The following TSHZ3 variants were observed in gnomAD, a reference collection of about 807,000 sequenced individuals.
TSHZ3 encodes the protein teashirt homolog 3.
Under a neutral mutation model 64.5 loss-of-function variants are expected in TSHZ3, and 10 were observed. That is an observed-to-expected ratio of 0.16 (90% CI 0.10 to 0.26). The LOEUF is 0.26. TSHZ3 is among the 10% of genes least tolerant of loss of function. TSHZ3 has a pLI of 1.00. For missense variants in TSHZ3, 1,242 were observed against 1,421.7 expected, an observed-to-expected ratio of 0.87 and a Z score of 2.03; for synonymous variants, 608 against 593.1, an observed-to-expected ratio of 1.03 and a Z score of -0.36.
chr19:31,166,516 G>A (rs914630164), intron 5 of TSHZ3, among the ~76,000 whole-genome samples: 4 of 152,200 alleles, frequency 2.6e-5, no homozygotes, highest in Non-Finnish European at 5.9e-5. Context: ...CAAGAAGGGA[G>A]AGGATGGAGA....
At chr19:31,291,196 C>A (rs1438034223) in intron 1 of TSHZ3, among the ~76,000 whole-genome samples, 2 of 152,200 alleles carry the variant, frequency 1.3e-5, no homozygotes, top group Non-Finnish European at 2.9e-5. Flanking sequence ...CCAGCCGGTT[C>A]AGAAGACTCA....
At position 31,192,958 on chromosome 19, in the gene TSHZ3, TG is replaced by T. The variant is rs1325553325; in HGVS notation, n.809+11997del. ...ATTAGTGGGAGAAGCCTTTGCTGTA[TG>T]TCTGTCCACTACTATCACAATCTTC... On this transcript the variant is annotated intron_variant and non_coding_transcript_variant, in intron 5 of 6. Coordinates refer to the TSHZ3 transcript ENST00000651361. Among the ~76,000 whole-genome samples, 3 of 152,288 alleles carry T rather than the reference TG, an allele frequency of 2.0e-5. No homozygotes were observed. In the East Asian group the frequency reaches 5.8e-4, roughly 29 times the overall value.
At chr19:31,333,106 C>CAATA (rs10585080) in intron 1 of TSHZ3, among the ~76,000 whole-genome samples, 25,726 of 137,610 alleles carry the variant, frequency 0.19, 2,591 homozygotes, top group Middle Eastern at 0.27. Flanking sequence ...TCCTGTCTCA[C>CAATA]AATAAATAAA....
chr19:31,192,606 T>C (rs1474505111), intron 5 of TSHZ3, among the ~76,000 whole-genome samples: 2 of 152,232 alleles, frequency 1.3e-5, no homozygotes, highest in Admixed American at 1.3e-4. Context: ...TTGTAGTATA[T>C]TTCTCAATGT....
intron 1 of TSHZ3, among the ~76,000 whole-genome samples, chr19:31,296,337 T>G (rs1458477582): frequency 2.0e-5 from 3 of 148,876 alleles, no homozygotes; most frequent in African/African-American, 7.5e-5. Context: ...ATTTTTTTTT[T>G]TTTTTTTTTT....
At chr19:31,346,095 A>G (rs1381192061) in intron 1 of TSHZ3, among the ~76,000 whole-genome samples, 2 of 152,208 alleles carry the variant, frequency 1.3e-5, no homozygotes, top group East Asian at 1.9e-4. Flanking sequence ...AAAAAATCCT[A>G]AAGTACAGAA....
chr19:31,172,025 C>A (rs184523293), intron 5 of TSHZ3, among the ~76,000 whole-genome samples: 75 of 152,290 alleles, frequency 4.9e-4, no homozygotes, highest in African/African-American at 1.7e-3. Flanking sequence ...TGGGGGGATA[C>A]TGGTCCTTCA....
chr19:31,158,075 C>T (rs1974328883), intron 5 of TSHZ3, among the ~76,000 whole-genome samples: 1 of 152,182 alleles, frequency 6.6e-6, no homozygotes, highest in African/African-American at 2.4e-5. Context: ...TATAGATATA[C>T]ATATAATTTG....
intron 1 of TSHZ3, among the ~76,000 whole-genome samples, chr19:31,318,814 C>T (rs1916680660): frequency 6.6e-6 from 1 of 152,188 alleles, no homozygotes; most frequent in South Asian, 2.1e-4. Flanking sequence ...ATAAAAGTAT[C>T]TTAACTTGCC....
intron 5 of TSHZ3, among the ~76,000 whole-genome samples, chr19:31,190,010 T>C (rs1974877230): frequency 6.6e-6 from 1 of 151,864 alleles, no homozygotes; most frequent in Non-Finnish European, 1.5e-5. Context: ...CTAATATTAA[T>C]AGAGCCATGC....
At chr19:31,212,822 T>C (rs1975276760) in intron 4 of TSHZ3, among the ~76,000 whole-genome samples, 1 of 152,174 alleles carries the variant, frequency 6.6e-6, no homozygotes, top group African/African-American at 2.4e-5. Context: ...GGTTTATTCA[T>C]AAGTATTAAC....
intron 6 of TSHZ3, among the ~76,000 whole-genome samples, chr19:31,153,217 T>A (rs1483152241): frequency 1.3e-5 from 2 of 152,226 alleles, no homozygotes; most frequent in Non-Finnish European, 2.9e-5. Context: ...AGGCCAGTTT[T>A]CTACCATGAT....
chr19:31,338,581 CTT>C (rs34643581), intron 1 of TSHZ3, among the ~76,000 whole-genome samples: 10 of 119,092 alleles, frequency 8.4e-5, no homozygotes, highest in Non-Finnish European at 1.2e-4. Flanking sequence ...TTTTTTTTTT[CTT>C]TTTTTTTTTT....
At chr19:31,170,382 AATCG>A (rs1419590275) in intron 5 of TSHZ3, among the ~76,000 whole-genome samples, 1 of 152,130 alleles carries the variant, frequency 6.6e-6, no homozygotes, top group Non-Finnish European at 1.5e-5. Context: ...ATCTAAACCT[AATCG>A]CCTCACAAAG....
intron 5 of TSHZ3, among the ~76,000 whole-genome samples, chr19:31,197,072 C>A (rs1975003316): frequency 1.3e-5 from 2 of 151,842 alleles, no homozygotes; most frequent in African/African-American, 4.8e-5. Context: ...ATAAAATACA[C>A]CTTAGCAAAT....
rs140598536 is a variant in TSHZ3 at position 31,235,528 on chromosome 19, C to T, written n.550+6741G>A. On this transcript the variant is annotated intron_variant and non_coding_transcript_variant, in intron 3 of 6. Coordinates refer to the TSHZ3 transcript ENST00000651361. ...CATGTTGTCACAAATGATAGAACTT[C>T]CTCCAATGTGTGTATGTGTGTGTGT... Among the ~76,000 whole-genome samples, 153 of 151,878 alleles carry T rather than the reference C, an allele frequency of 1.0e-3. No homozygotes were observed. In the East Asian group the frequency reaches 0.024, roughly 23 times the overall value.
chr19:31,254,457 G>T (rs375536630), intron 1 of TSHZ3, among the ~76,000 whole-genome samples: 1 of 152,180 alleles, frequency 6.6e-6, no homozygotes, highest in African/African-American at 2.4e-5. Context: ...AAAGGGGGCC[G>T]GTCAGCACCA....
intron 1 of TSHZ3, among the ~76,000 whole-genome samples, chr19:31,313,163 A>G (rs902841654): frequency 1.3e-5 from 2 of 152,096 alleles, no homozygotes; most frequent in African/African-American, 4.8e-5. Context: ...CTCTGCGGGA[A>G]GCCCCAGGTG....
chr19:31,202,132 C>T (rs1175539408), intron 5 of TSHZ3, among the ~76,000 whole-genome samples: 2 of 151,892 alleles, frequency 1.3e-5, no homozygotes, highest in African/African-American at 4.8e-5. Flanking sequence ...TGCCATTGCA[C>T]TCTGGCCTGG....
Sources: gnomAD v4.1 joint callset for allele counts (sites outside exome capture counted in the v4.1 genomes callset) on GRCh38, gnomAD v4.1.1 for gene constraint, MANE v1.5 for transcripts, NCBI Gene and HGNC (gene_info 2026-07-23, HGNC 2026-07-21) for gene names.